Variants in CDH12 observed in about 807,000 individuals in gnomAD.
The protein encoded by CDH12 is cadherin-12.
CDH12 carries 41 observed loss-of-function variants against 74.1 expected under a neutral mutation model. That is an observed-to-expected ratio of 0.55 (90% CI 0.43 to 0.72). CDH12 has a LOEUF of 0.72. CDH12 is among the 30% of genes least tolerant of loss of function. The probability of loss-of-function intolerance (pLI) is 0.00; values close to 1 mark genes in which losing one functional copy is unlikely to be tolerated. For missense variants in CDH12, 945 were observed against 977.2 expected (o/e 0.97, Z 0.44); for synonymous variants, 399 against 355.0 (o/e 1.12, Z -1.39).
chr5:22,223,203 G>A (rs1752079375), intron 3 of CDH12, among the ~76,000 whole-genome samples: 1 of 152,000 alleles, frequency 6.6e-6, no homozygotes, highest in South Asian at 2.1e-4. Context: ...ATGTTTTGGG[G>A]ATTAATCCTT....
intron 1 of CDH12, among the ~76,000 whole-genome samples, chr5:22,592,976 G>A (rs1242087449): frequency 6.9e-6 from 1 of 144,832 alleles, no homozygotes; most frequent in Non-Finnish European, 1.5e-5. Context: ...GTTGCAATGA[G>A]CCGAGATCTC....
At chr5:21,985,870 T>A (rs1757495892) in intron 5 of CDH12, among the ~76,000 whole-genome samples, 1 of 152,192 alleles carries the variant, frequency 6.6e-6, no homozygotes, top group Non-Finnish European at 1.5e-5. Context: ...AAAGATGATC[T>A]ATAACTCTGC....
intron 6 of CDH12, among the ~76,000 whole-genome samples, chr5:21,908,959 C>T (rs990643211): frequency 1.3e-5 from 2 of 152,168 alleles, no homozygotes; most frequent in East Asian, 1.9e-4. Flanking sequence ...GGATTTCTCT[C>T]TGATTTAATG....
chr5:21,922,947 T>TCTATAA (rs1406985044), intron 6 of CDH12, among the ~76,000 whole-genome samples: 8 of 141,976 alleles, frequency 5.6e-5, no homozygotes, highest in Admixed American at 5.4e-4. Context: ...TGTATCTATA[T>TCTATAA]CTATATCTAT....
intron 6 of CDH12, among the ~76,000 whole-genome samples, chr5:21,943,888 T>G (rs945455337): frequency 6.6e-6 from 1 of 152,128 alleles, no homozygotes; most frequent in Non-Finnish European, 1.5e-5. Context: ...ATTAGCCAAG[T>G]GATGGGCCCC....
rs1458253525 is a variant in CDH12 at position 21,798,051 on chromosome 5, T to G, written c.1256+4116A>C. On this transcript the variant is annotated intron_variant, in intron 10 of 14. Transcript: ENST00000382254. ...AATTATTTTTGTTGCAACCTTCAAT[T>G]TTTTTTCAATAACTGTTCACATTTA... Among the ~76,000 whole-genome samples, 3 of 152,060 alleles carry G rather than the reference T, an allele frequency of 2.0e-5. No individual in the cohort carries two copies. The East Asian group carries it at 5.8e-4, about 29-fold the overall frequency.
chr5:22,157,557 T>C (rs2150316168), intron 4 of CDH12, among the ~76,000 whole-genome samples: 1 of 151,010 alleles, frequency 6.6e-6, no homozygotes, highest in East Asian at 2.0e-4. Flanking sequence ...TACAAGAAGA[T>C]AGACATTTAG....
chr5:22,676,705 C>G (rs1023534771), intron 1 of CDH12, among the ~76,000 whole-genome samples: 2 of 152,092 alleles, frequency 1.3e-5, no homozygotes, highest in African/African-American at 2.4e-5. Flanking sequence ...GGTAAGCAAG[C>G]CACATAAGTA....
At position 22,332,863 on chromosome 5, in the gene CDH12, T is replaced by G. The variant is rs1219891497; in HGVS notation, c.-333+72394A>C. ...AGAAATAGGAACGCTTTTACACTGT[T>G]GGTGGGAGTGTAAATTAGTTCAACC... On this transcript the variant is annotated intron_variant, in intron 3 of 14. Transcript: ENST00000382254. Among the ~76,000 whole-genome samples, 3 of 152,198 alleles carry G rather than the reference T, an allele frequency of 2.0e-5. No homozygotes were observed. In the East Asian group the frequency reaches 5.8e-4, roughly 29 times the overall value.
At chr5:22,785,608 T>C (rs1747584828) in intron 1 of CDH12, among the ~76,000 whole-genome samples, 1 of 152,148 alleles carries the variant, frequency 6.6e-6, no homozygotes, top group South Asian at 2.1e-4. Flanking sequence ...CAGCCTTGCC[T>C]CCCAGGTTCA....
intron 3 of CDH12, among the ~76,000 whole-genome samples, chr5:22,311,175 G>C (rs1738373167): frequency 6.6e-6 from 1 of 152,148 alleles, no homozygotes; most frequent in Non-Finnish European, 1.5e-5. Context: ...TTTGAGCCAA[G>C]CTTAAGGATT....
At chr5:21,860,635 A>G (rs1433929858) in intron 6 of CDH12, among the ~76,000 whole-genome samples, 1 of 152,080 alleles carries the variant, frequency 6.6e-6, no homozygotes, top group Non-Finnish European at 1.5e-5. Flanking sequence ...AGCAGTCAGA[A>G]TAAGGTGGAA....
Position 22,644,654 on chromosome 5 carries a change from T to C in CDH12, c.-522-139290A>G, listed in dbSNP as rs1229872300. 1.2e-4 allele frequency among the ~76,000 whole-genome samples: 18 copies of C among 151,756 alleles called. 1 individual carries two copies. Among genetic ancestry groups the C allele is most frequent in the Admixed American group, 1.2e-3 (18 of 15,178 alleles). On this transcript the variant is annotated intron_variant, in intron 1 of 14. Coordinates refer to ENST00000382254, the MANE Select transcript of CDH12 (RefSeq NM_004061.5). Reference sequence around the variant, plus strand: ...AAGCTGCAGTATGTTATCCAAAAAATTTAGCTATACTAGATGACAGATTTT... The same window carrying C: ...AAGCTGCAGTATGTTATCCAAAAAACTTAGCTATACTAGATGACAGATTTT...
At chr5:21,817,172 G>A in intron 8 of CDH12, 40 bp from the exon 9 acceptor site, 1 of 1,364,490 alleles carries the variant, frequency 7.3e-7, no homozygotes, top group Non-Finnish European at 1.0e-6. Context: ...AGTGGGGTTA[G>A]TAAGAGATAT....
chr5:21,818,531 C>T (rs534701703), intron 8 of CDH12, among the ~76,000 whole-genome samples: 11 of 151,964 alleles, frequency 7.2e-5, no homozygotes, highest in Admixed American at 5.3e-4. Context: ...TTCTTCCCTC[C>T]TTCCCCCAGA....
chr5:22,672,851 TTCTAAGCATATGAATAAAG>T (rs1167680363), intron 1 of CDH12, among the ~76,000 whole-genome samples: 11 of 152,216 alleles, frequency 7.2e-5, no homozygotes, highest in Non-Finnish European at 1.2e-4. Context: ...TATGTTCTAT[TTCTAAGCATATGAATAAAG>T]TCTAAATTTA....
chr5:22,091,234 T>C (rs1383140121), intron 4 of CDH12, among the ~76,000 whole-genome samples: 1 of 149,214 alleles, frequency 6.7e-6, no homozygotes, highest in Non-Finnish European at 1.5e-5. Context: ...TTAGTAAATA[T>C]TTTAAAGTAT....
chr5:22,416,621 G>C (rs1329871933), intron 2 of CDH12, among the ~76,000 whole-genome samples: 1 of 152,086 alleles, frequency 6.6e-6, no homozygotes, highest in South Asian at 2.1e-4. Flanking sequence ...TTGTCAGTGA[G>C]TGGTATAACC....
intron 3 of CDH12, among the ~76,000 whole-genome samples, chr5:22,316,282 A>G (rs1738631699): frequency 6.6e-6 from 1 of 151,698 alleles, no homozygotes; most frequent in African/African-American, 2.4e-5. Flanking sequence ...ACTCATTGAT[A>G]AAAGCTTTAG....
Sources: gnomAD v4.1 joint callset for allele counts (sites outside exome capture counted in the v4.1 genomes callset) on GRCh38, gnomAD v4.1.1 for gene constraint, MANE v1.5 for transcripts, NCBI Gene and HGNC (gene_info 2026-07-23, HGNC 2026-07-21) for gene names.